The following TNRC6B variants were observed in gnomAD, a reference collection of about 807,000 sequenced individuals.
TNRC6B encodes trinucleotide repeat-containing gene 6B protein.
A neutral mutation model predicts 203.6 loss-of-function variants in TNRC6B; 52 were observed. That is an observed-to-expected ratio of 0.26 (90% CI 0.20 to 0.32). TNRC6B has a LOEUF of 0.32. TNRC6B is among the 10% of genes least tolerant of loss of function. TNRC6B has a pLI of 1.00. For synonymous variants in TNRC6B, 838 were observed against 845.7 expected, an observed-to-expected ratio of 0.99 and a Z score of 0.16; for missense variants, 1,923 against 2,286.2, an observed-to-expected ratio of 0.84 and a Z score of 3.24.
In TNRC6B at chr22:40,284,300, G is replaced by A. The variant is rs952703875; in HGVS notation, c.3583-1345G>A. Among the ~76,000 whole-genome samples the A allele has an allele frequency of 5.3e-5, 8 of 152,248 alleles. No individual in the cohort carries two copies. The East Asian group carries it at 1.5e-3, about 29-fold the overall frequency. ...TAAGTTCACTAATTTCCCTACAGCA[G>A]TCCCTTAATCTATTTTTTAATCATT... On this transcript the variant is annotated intron_variant, in intron 11 of 22. Coordinates refer to ENST00000454349, the MANE Select transcript of TNRC6B (RefSeq NM_001162501.2).
chr22:40,092,710 C>G (rs1036480686), intron 1 of TNRC6B, among the ~76,000 whole-genome samples: 2 of 152,128 alleles, frequency 1.3e-5, no homozygotes, highest in African/African-American at 4.8e-5. Flanking sequence ...AGGTCTTGCT[C>G]TGTGTCCTGG....
intron 3 of TNRC6B, among the ~76,000 whole-genome samples, chr22:40,256,019 A>AT (rs1263252061): frequency 6.6e-6 from 1 of 152,068 alleles, no homozygotes; most frequent in Non-Finnish European, 1.5e-5. Flanking sequence ...CGCCTGGCTA[A>AT]TTTTTTGTAT....
intron 4 of TNRC6B, among the ~76,000 whole-genome samples, chr22:40,171,285 C>T (rs1309206449): frequency 6.6e-6 from 1 of 151,486 alleles, no homozygotes; most frequent in Admixed American, 6.6e-5. Context: ...CCTCAGCCTC[C>T]CGAGTAGCTG....
chr22:40,128,597 C>T (rs1219355393), intron 3 of TNRC6B, among the ~76,000 whole-genome samples: 2 of 151,852 alleles, frequency 1.3e-5, no homozygotes, highest in Non-Finnish European at 2.9e-5. Flanking sequence ...GCTCACAGCT[C>T]ACTGCAGCCT....
At chr22:40,066,491 G>T (rs1199920889) in intron 1 of TNRC6B, among the ~76,000 whole-genome samples, 1 of 152,106 alleles carries the variant, frequency 6.6e-6, no homozygotes, top group Non-Finnish European at 1.5e-5. Flanking sequence ...GGAGCAACCA[G>T]GAGTATGTTT....
chr22:40,117,345 G>A (rs924694998), intron 2 of TNRC6B, among the ~76,000 whole-genome samples: 1 of 152,176 alleles, frequency 6.6e-6, no homozygotes, highest in Non-Finnish European at 1.5e-5. Flanking sequence ...GGTGCCTCAT[G>A]CTAGAAAGCT....
chr22:40,309,494 C>T (rs1012828315), intron 16 of TNRC6B, among the ~76,000 whole-genome samples: 5 of 152,206 alleles, frequency 3.3e-5, no homozygotes, highest in African/African-American at 1.2e-4. Flanking sequence ...TGCCTGCCAT[C>T]CCTAAGCATT....
In TNRC6B at chr22:40,277,137, A is replaced by C. The variant is rs1213046576; in HGVS notation, c.3202A>C (p.Asn1068His). 1.9e-6 allele frequency: 3 copies of C among 1,608,246 alleles called. No homozygotes were observed. Among genetic ancestry groups the C allele is most frequent in the African/African-American group, 2.7e-5 (2 of 74,790 alleles). Residue 1068 changes from asparagine to histidine, a missense_variant, in exon 8 of 23, where the codon AAT (asparagine) becomes CAT (histidine). This residue lies in a region of TNRC6B where 599 missense variants were observed against 656.5 expected (regional missense o/e 0.91). Coordinates refer to ENST00000454349, the MANE Select transcript of TNRC6B (RefSeq NM_001162501.2). The part of the protein sequence containing the change: ...WMNPLAKQFS[N>H]MGLLSQTEDN... ...GAATCCTCTTGCCAAACAGTTTTCA[A>C]ATATGGGATTGCTGGTAAGTTTTAT...
intron 3 of TNRC6B, among the ~76,000 whole-genome samples, chr22:40,254,384 G>A (rs551954714): frequency 2.0e-5 from 3 of 152,302 alleles, no homozygotes; most frequent in South Asian, 2.1e-4. Context: ...GCCAGGCACC[G>A]TGGCACAGGC....
intron 1 of TNRC6B, among the ~76,000 whole-genome samples, chr22:40,116,110 C>T (rs1200347841): frequency 2.0e-5 from 3 of 152,218 alleles, no homozygotes; most frequent in East Asian, 1.9e-4. Context: ...TGTGCTCTAA[C>T]GTGGGGCTGA....
At chr22:40,286,083 T>C (rs1204661297) in intron 12 of TNRC6B, among the ~76,000 whole-genome samples, 1 of 152,248 alleles carries the variant, frequency 6.6e-6, no homozygotes. Flanking sequence ...TTTCTAACTA[T>C]ATTTTTTGAA....
intron 3 of TNRC6B, among the ~76,000 whole-genome samples, chr22:40,260,855 G>A (rs139977674): frequency 1.1e-3 from 164 of 152,314 alleles, no homozygotes; most frequent in African/African-American, 3.6e-3. Context: ...ACTGTCAGCC[G>A]CCACCTTCAT....
intron 3 of TNRC6B, among the ~76,000 whole-genome samples, chr22:40,144,519 C>CA (rs1187097199): frequency 6.6e-6 from 1 of 151,350 alleles, no homozygotes; most frequent in African/African-American, 2.4e-5. Context: ...ACTAAAAATA[C>CA]CAAAAATTAG....
At chr22:40,231,420 A>G (rs2069868061) in intron 1 of TNRC6B, among the ~76,000 whole-genome samples, 1 of 152,088 alleles carries the variant, frequency 6.6e-6, no homozygotes, top group East Asian at 1.9e-4. Flanking sequence ...AAAAATTTCT[A>G]TCCGCAATGT....
At chr22:40,243,868 A>G (rs901688797) in intron 1 of TNRC6B, among the ~76,000 whole-genome samples, 1 of 152,186 alleles carries the variant, frequency 6.6e-6, no homozygotes, top group Admixed American at 6.5e-5. Flanking sequence ...TACAGGTGTG[A>G]GTCACTGCGC....
intron 12 of TNRC6B, among the ~76,000 whole-genome samples, chr22:40,297,252 G>A (rs1217068683): frequency 1.3e-5 from 2 of 152,170 alleles, no homozygotes; most frequent in African/African-American, 2.4e-5. Context: ...AGTAACTGAC[G>A]ATTCCTAGGC....
chr22:40,319,787 T>C (rs540114439), intron 21 of TNRC6B, among the ~76,000 whole-genome samples: 1 of 152,322 alleles, frequency 6.6e-6, no homozygotes, highest in East Asian at 1.9e-4. Flanking sequence ...TAGGTATGTA[T>C]GTATAGGAAA....
chr22:40,124,786 G>T (rs924518390), intron 2 of TNRC6B, among the ~76,000 whole-genome samples: 1 of 151,958 alleles, frequency 6.6e-6, no homozygotes, highest in East Asian at 1.9e-4. Flanking sequence ...AGTCTGAGGC[G>T]GTCGGATCAC....
intron 1 of TNRC6B, among the ~76,000 whole-genome samples, chr22:40,084,783 G>A (rs2068088395): frequency 6.6e-6 from 1 of 152,144 alleles, no homozygotes; most frequent in Non-Finnish European, 1.5e-5. Flanking sequence ...ATGAAATGAG[G>A]TTAGAGTGCA....
Sources: allele counts gnomAD v4.1 joint callset (sites outside exome capture counted in the v4.1 genomes callset), GRCh38; gene constraint gnomAD v4.1.1; regional missense constraint gnomAD v4.1.1; transcripts MANE v1.5; gene names NCBI Gene and HGNC (gene_info 2026-07-23, HGNC 2026-07-21).